UNG: variants seen among roughly 807,000 people sequenced by gnomAD.
The protein encoded by UNG is uracil-DNA glycosylase.
A neutral mutation model predicts 36.5 loss-of-function variants in UNG; 34 were observed. The observed-to-expected ratio is 0.93, with a 90% CI of 0.71 to 1.24. The LOEUF is 1.24. UNG is among the 50% of genes most tolerant of loss of function. UNG has a pLI of 0.00. For synonymous variants in UNG, 172 were observed against 157.8 expected (o/e 1.09, Z -0.67); for missense variants, 391 against 397.6 (o/e 0.98, Z 0.14).
intron 6 of UNG, among the ~76,000 whole-genome samples, chr12:109,107,133 G>A (rs568675144): frequency 2.4e-4 from 37 of 151,160 alleles, no homozygotes; most frequent in Admixed American, 1.1e-3. Context: ...TGTGGTGTAC[G>A]GATAGCAGTG....
intron 6 of UNG, among the ~76,000 whole-genome samples, chr12:109,107,781 TC>T (rs1319186554): frequency 1.3e-5 from 2 of 152,128 alleles, no homozygotes; most frequent in African/African-American, 4.8e-5. Flanking sequence ...TACCTCAGCC[TC>T]CCAAAGTGCT....
intron 6 of UNG, among the ~76,000 whole-genome samples, chr12:109,106,810 T>G (rs2042217737): frequency 7.1e-6 from 1 of 140,090 alleles, no homozygotes; most frequent in Non-Finnish European, 1.6e-5. Flanking sequence ...GAGGTTGCAG[T>G]TAGCTGAGAT....
intron 6 of UNG, among the ~76,000 whole-genome samples, chr12:109,104,091 C>T (rs1297259275): frequency 7.6e-6 from 1 of 131,536 alleles, no homozygotes; most frequent in Non-Finnish European, 1.6e-5. Context: ...CTCTGTTGCC[C>T]AGGCTGTAGT....
rs1377745700 is a variant in UNG at position 109,109,978 on chromosome 12, T to A, written c.*9T>A. The A allele has an allele frequency of 6.2e-7, 1 of 1,614,026 alleles. No individual in the cohort carries two copies. The highest frequency in any genetic ancestry group is 8.5e-7 in the Non-Finnish European group (1 of 1,180,024). On this transcript the variant is annotated 3_prime_UTR_variant, in exon 7 of 7. Coordinates refer to ENST00000242576, the MANE Select transcript of UNG (RefSeq NM_080911.3). Reference sequence around the variant, plus strand: ...ACTGGAAGGAGCTGTGATCATCAGCTGAGGGGTGGCCTTTGAGAAGCTGCT... The same window carrying A: ...ACTGGAAGGAGCTGTGATCATCAGCAGAGGGGTGGCCTTTGAGAAGCTGCT...
At chr12:109,102,239 A>G (rs2042183712) in intron 4 of UNG, among the ~76,000 whole-genome samples, 1 of 152,182 alleles carries the variant, frequency 6.6e-6, no homozygotes, top group Admixed American at 6.5e-5. Flanking sequence ...AACCAGGAGC[A>G]ACCCCCAGCT....
In UNG at chr12:109,097,645, G is replaced by T; in HGVS notation, c.-35G>T. On this transcript the variant is annotated 5_prime_UTR_variant, in exon 1 of 7. Transcript: ENST00000242576. ...GCCAGGGCTAGCCTCGCCGGTTCCC[G>T]GGTGGCGCGCGTTCGCTGCCTCCTC... 6.3e-7 allele frequency: 1 copy of T among 1,598,200 alleles called. No homozygotes were observed. Among genetic ancestry groups the T allele is most frequent in the Non-Finnish European group, 8.5e-7 (1 of 1,172,410 alleles).
In UNG at chr12:109,109,866, C is replaced by T. The variant is rs202127223; in HGVS notation, c.839C>T (p.Pro280Leu). The T allele has an allele frequency of 6.2e-6, 10 of 1,613,990 alleles. No homozygotes were observed. The highest frequency in any genetic ancestry group is 1.3e-5 in the African/African-American group (1 of 74,898). Residue 280 changes from proline (P) to leucine (L), a missense_variant, in exon 7 of 7, where the codon CCT (proline) becomes CTT (leucine). By Grantham distance (98) the Pro-to-Leu change is moderately conservative. Transcript: ENST00000242576. ...HHVLQTAHPS[P>L]LSVYRGFFGC... Reference sequence around the variant, plus strand: ...GTACTACAGACGGCTCATCCCTCCCCTTTGTCAGTGTATAGAGGGTTCTTT... The same window carrying T: ...GTACTACAGACGGCTCATCCCTCCCTTTTGTCAGTGTATAGAGGGTTCTTT...
intron 3 of UNG, 155 bp downstream of exon 3, chr12:109,099,439 A>G (rs2042160453): frequency 4.3e-6 from 3 of 690,776 alleles, no homozygotes; most frequent in Non-Finnish European, 7.7e-6. Context: ...GCCTGTATTT[A>G]CTCTTTTTAA....
intron 6 of UNG, among the ~76,000 whole-genome samples, chr12:109,108,851 T>G (rs2042238457): frequency 6.6e-6 from 1 of 152,138 alleles, no homozygotes; most frequent in African/African-American, 2.4e-5. Context: ...CAGTTGGTTG[T>G]AAACTCTTGG....
intron 1 of UNG, 57 bp from the exon 2 acceptor site, chr12:109,098,375 A>G: frequency 6.2e-7 from 1 of 1,601,640 alleles, no homozygotes; most frequent in Non-Finnish European, 8.5e-7. Flanking sequence ...GAAGCTGCGG[A>G]CGCCTGGGAA....
chr12:109,098,296 C>G, intron 1 of UNG, 136 bp from the exon 2 acceptor site: 1 of 1,581,332 alleles, frequency 6.3e-7, no homozygotes. Context: ...TGGGCTCTTA[C>G]TGTCCGCTTT....
chr12:109,099,414 G>T lies in UNG; in HGVS notation c.435+130G>T. On this transcript the variant is annotated intron_variant, in intron 3 of 6. Transcript: ENST00000242576. ...TAAAACACTGAAATCCCGAGGTTTG[G>T]CTGACTGTATTTCAGCCTGTATTTA... 3 of 812,394 alleles carry T rather than the reference G, an allele frequency of 3.7e-6. No individual in the cohort carries two copies. The South Asian group carries it at 4.4e-5, about 12-fold the overall frequency. The allele number at this position is 812,394 out of a possible 1,614,324, so 50.3% of individuals were successfully genotyped here. A position where few individuals can be genotyped will look rare whatever the true frequency, so the allele number is the denominator to read the frequency against.
In UNG at chr12:109,103,566, G is replaced by C; in HGVS notation, c.756G>C (p.Leu252Phe). The C allele has an allele frequency of 1.2e-6, 2 of 1,613,974 alleles. No homozygotes were observed. Among genetic ancestry groups the C allele is most frequent in the Non-Finnish European group, 1.7e-6 (2 of 1,180,010 alleles). ...AGAACTCGAATGGCCTTGTTTTCTT[G>C]CTCTGGGGCTCTTATGCTCAGAAGA... is the stretch of plus-strand genomic sequence containing the variant. ...LNQNSNGLVF[L>F]LWGSYAQKKG... The change falls in exon 6 of 7, where the codon TTG becomes TTC. Residue 252 changes from leucine to phenylalanine, a missense_variant. Physicochemically the swap from Leu to Phe is conservative, Grantham distance 22. Transcript: ENST00000242576.
Position 109,103,558 on chromosome 12 carries a change from G to A in UNG, c.748G>A (p.Val250Ile), listed in dbSNP as rs750616313. The stretch of plus-strand genomic sequence containing the variant: ...GCTAAATCAGAACTCGAATGGCCTT[G>A]TTTTCTTGCTCTGGGGCTCTTATGC... ...SWLNQNSNGL[V>I]FLLWGSYAQK... The change falls in exon 6 of 7, where the codon GTT (valine) becomes ATT (isoleucine). Residue 250 changes from valine to isoleucine, a missense_variant. By Grantham distance (29) the Val-to-Ile change is conservative (BLOSUM62 3). Transcript: ENST00000242576. 6.8e-5 allele frequency: 110 copies of A among 1,613,978 alleles called. 1 individual carries two copies. The South Asian group carries it at 1.2e-3, about 17-fold the overall frequency.
intron 6 of UNG, 89 bp from the exon 7 acceptor site, chr12:109,109,740 G>A (rs2042245757): frequency 2.4e-5 from 36 of 1,505,986 alleles, no homozygotes; most frequent in African/African-American, 9.0e-5. Flanking sequence ...TCGAGATCAC[G>A]CCACTGCAGC....
At chr12:109,109,781 A>C in intron 6 of UNG, 48 bp from the exon 7 acceptor site, 1 of 1,576,436 alleles carries the variant, frequency 6.3e-7, no homozygotes. Flanking sequence ...AAAAAAAAAA[A>C]TTTAAAAAGT....
intron 3 of UNG, among the ~76,000 whole-genome samples, chr12:109,099,817 C>T (rs2135883794): frequency 6.6e-6 from 1 of 152,306 alleles, no homozygotes; most frequent in South Asian, 2.1e-4. Context: ...TGGCTCATGC[C>T]TGTAATCCCA....
At chr12:109,102,795 T>G (rs1196591973) in intron 4 of UNG, 44 bp from the exon 5 acceptor site, 36 of 1,499,578 alleles carry the variant, frequency 2.4e-5, no homozygotes, top group Non-Finnish European at 3.0e-5. Context: ...TTCAAAATTA[T>G]GCTTAAGATT....
intron 3 of UNG, 151 bp downstream of exon 3, chr12:109,099,435 AT>A: frequency 1.4e-6 from 1 of 707,238 alleles, no homozygotes; most frequent in Non-Finnish European, 2.5e-6. Flanking sequence ...TTCAGCCTGT[AT>A]TTACTCTTTT....
Sources: gnomAD v4.1 joint callset for allele counts (sites outside exome capture counted in the v4.1 genomes callset) on GRCh38, gnomAD v4.1.1 for gene constraint, MANE v1.5 for transcripts, NCBI Gene and HGNC (gene_info 2026-07-23, HGNC 2026-07-21) for gene names.